LTBP2: variants seen among roughly 807,000 people sequenced by gnomAD.
LTBP2 encodes latent-transforming growth factor beta-binding protein 2.
Under a neutral mutation model 210.6 loss-of-function variants are expected in LTBP2, and 103 were observed. That is an observed-to-expected ratio of 0.49 (90% CI 0.42 to 0.58). The LOEUF is 0.58. Among genes scored for constraint, LTBP2 ranks in the 20% least tolerant of loss-of-function variants. The pLI is 0.00. For missense variants in LTBP2, 2,313 were observed against 2,494.5 expected (o/e 0.93, Z 1.55); for synonymous variants, 1,007 against 1,015.0 (o/e 0.99, Z 0.15).
At position 74,611,610 on chromosome 14, in the gene LTBP2, G is replaced by A. The variant is rs767990421; in HGVS notation, c.335C>T (p.Ser112Leu). ...EARRPSRAQQSRRVQPPAQTR... is the reference protein window; with the variant it reads ...EARRPSRAQQLRRVQPPAQTR... Reference sequence around the variant, plus strand: ...CTGCGCAGGTGGCTGGACACGCCGCGACTGCTGCGCGCGGGACGGCCTCCT... The same window carrying A: ...CTGCGCAGGTGGCTGGACACGCCGCAACTGCTGCGCGCGGGACGGCCTCCT... Residue 112 changes from serine to leucine, a missense_variant, in exon 1 of 36, where the codon TCG (serine) becomes TTG (leucine). Physicochemically the swap from Ser to Leu is moderately radical, Grantham distance 145. Transcript: ENST00000261978. The A allele has an allele frequency of 5.1e-6, 8 of 1,565,382 alleles. No individual in the cohort carries two copies. In the East Asian group the frequency reaches 1.4e-4, roughly 27 times the overall value.
intron 21 of LTBP2, 110 bp from the exon 22 acceptor site, chr14:74,509,473 C>T: frequency 2.0e-6 from 3 of 1,509,348 alleles, no homozygotes; most frequent in Non-Finnish European, 2.7e-6. Flanking sequence ...TTTCCTAAAA[C>T]CCCCTCCCTA....
intron 3 of LTBP2, among the ~76,000 whole-genome samples, chr14:74,582,900 C>G (rs1433602902): frequency 2.0e-5 from 3 of 152,252 alleles, no homozygotes; most frequent in African/African-American, 7.2e-5. Context: ...GTTGCAGGTT[C>G]CTGTAACCAG....
At chr14:74,542,553 A>C (rs1388769608) in intron 8 of LTBP2, among the ~76,000 whole-genome samples, 4 of 152,202 alleles carry the variant, frequency 2.6e-5, no homozygotes, top group Non-Finnish European at 5.9e-5. Flanking sequence ...AGACACATAC[A>C]TGCCTGGCGA....
rs749807504 is a variant in LTBP2 at position 74,502,727 on chromosome 14, G to T, written c.5096C>A (p.Ala1699Glu). The T allele has an allele frequency of 1.2e-6, 2 of 1,614,098 alleles. No homozygotes were observed. The highest frequency in any genetic ancestry group is 1.7e-6 in the Non-Finnish European group (2 of 1,180,050). The change falls in exon 34 of 36, where the codon GCG (alanine) becomes GAG (glutamate). Residue 1699 changes from alanine to glutamate, a missense_variant. This residue lies in a region of LTBP2 where 443 missense variants were observed against 501.4 expected (regional missense o/e 0.88). Transcript: ENST00000261978. ...PAFPNTAGHS[A>E]DRTPILESPL... ...AGACTCAAGGATGGGTGTGCGGTCC[G>T]CTGAGTGACCGGCTGTGTTGGGGAA...
chr14:74,527,375 GA>G lies in LTBP2; in HGVS notation c.2369-10del. 6.2e-7 allele frequency: 1 copy of G among 1,610,646 alleles called. No homozygotes were observed. The highest frequency in any genetic ancestry group is 8.5e-7 in the Non-Finnish European group (1 of 1,178,732). On this transcript the variant is annotated splice_polypyrimidine_tract_variant and intron_variant, in intron 12 of 35. Transcript: ENST00000261978. ...GCCAGCCTGAGAGTCACCTGGAAGG[GA>G]AAGGTAACAGCGTGAGCTCAGGGAG...
rs556702350 is a variant in LTBP2, at chr14:74,593,101, C to T, written c.566-6983G>A. ...AGCAAGAAATAAAAGGCATTGTTCC[C>T]CTAATCTCCCCATGTTCCTAGCTGA... On this transcript the variant is annotated intron_variant, in intron 2 of 35. Coordinates refer to ENST00000261978, the MANE Select transcript of LTBP2 (RefSeq NM_000428.3). Among the ~76,000 whole-genome samples the T allele has an allele frequency of 4.3e-4, 65 of 152,304 alleles. 1 individual carries two copies. In the South Asian group the frequency reaches 0.013, roughly 31 times the overall value.
At position 74,500,906 on chromosome 14, in the gene LTBP2, G is replaced by A. The variant is rs757574062; in HGVS notation, c.5444C>T (p.Pro1815Leu). The change falls in exon 36 of 36, where the codon CCC becomes CTC. Residue 1815 changes from proline (P) to leucine (L), a missense_variant. By Grantham distance (98) the Pro-to-Leu change is moderately conservative. Around this residue, in one of 3 missense-constraint regions of LTBP2, gnomAD observed 443 missense variants for 501.4 expected, o/e 0.88. Coordinates refer to ENST00000261978, the MANE Select transcript of LTBP2 (RefSeq NM_000428.3). Reference sequence around the variant, plus strand: ...CTGCTACTCCTTGGCAGTGCAGTGGGGGGGCCCTGCCTCAGCCACATATCC... The same window carrying A: ...CTGCTACTCCTTGGCAGTGCAGTGGAGGGGCCCTGCCTCAGCCACATATCC... Reference protein sequence around the residue: ...SPGYVAEAGPPHCTAKE With the variant: ...SPGYVAEAGPLHCTAKE 3 of 1,614,174 alleles carry A rather than the reference G, an allele frequency of 1.9e-6. No individual in the cohort carries two copies. The highest frequency in any genetic ancestry group is 2.5e-6 in the Non-Finnish European group (3 of 1,180,032).
intron 3 of LTBP2, among the ~76,000 whole-genome samples, chr14:74,572,623 A>T (rs557851683): frequency 6.6e-6 from 1 of 152,166 alleles, no homozygotes; most frequent in Non-Finnish European, 1.5e-5. Context: ...CCTGGACAAG[A>T]GGTGAAACCT....
intron 34 of LTBP2, 200 bp from the exon 35 acceptor site, chr14:74,501,790 G>A: frequency 4.7e-6 from 3 of 640,748 alleles, no homozygotes; most frequent in Non-Finnish European, 8.0e-6. Flanking sequence ...TGTCATTTTA[G>A]ATGGGGAGAG....
intron 2 of LTBP2, among the ~76,000 whole-genome samples, chr14:74,592,014 C>T (rs2088289588): frequency 6.6e-6 from 1 of 152,144 alleles, no homozygotes; most frequent in South Asian, 2.1e-4. Flanking sequence ...CTGGCCACTG[C>T]ATGTTGGTAC....
At chr14:74,553,923 CGTGTGTGTGTGTGT>C (rs34143485) in intron 4 of LTBP2, among the ~76,000 whole-genome samples, 46 of 130,574 alleles carry the variant, frequency 3.5e-4, no homozygotes, top group African/African-American at 8.0e-4. Flanking sequence ...AGCGGAGAAA[CGTGTGTGTGTGTGT>C]GTGTGTGTGT....
intron 3 of LTBP2, among the ~76,000 whole-genome samples, chr14:74,569,673 C>A (rs944673878): frequency 6.6e-6 from 1 of 152,174 alleles, no homozygotes; most frequent in Non-Finnish European, 1.5e-5. Flanking sequence ...GCGTCAGAGT[C>A]CTTCCCACAC....
At position 74,506,760 on chromosome 14, in the gene LTBP2, C is replaced by A; in HGVS notation, c.3971G>T (p.Gly1324Val). 6.2e-7 allele frequency: 1 copy of A among 1,614,028 alleles called. No individual in the cohort carries two copies. The highest frequency in any genetic ancestry group is 2.2e-5 in the East Asian group (1 of 44,878). The change falls in exon 27 of 36, where the codon GGC becomes GTC. Residue 1324 changes from glycine (G) to valine (V), a missense_variant. Physicochemically the swap from Gly to Val is moderately radical, Grantham distance 109 (BLOSUM62 -3). Coordinates refer to ENST00000261978, the MANE Select transcript of LTBP2 (RefSeq NM_000428.3). Reference protein sequence around the residue: ...GSHGFCDNTDGSFRCLCDQGF... With the variant: ...GSHGFCDNTDVSFRCLCDQGF... ...CTGGTCACAGAGGCAGCGGAAGGAG[C>A]CATCAGTGTTGTCACAGAAGCCGTG...
intron 1 of LTBP2, among the ~76,000 whole-genome samples, chr14:74,608,150 G>A (rs2088554161): frequency 1.3e-5 from 2 of 151,392 alleles, no homozygotes; most frequent in Admixed American, 6.6e-5. Context: ...TCGATCTCCT[G>A]ACCTCATGAT....
At chr14:74,531,196 G>A (rs1490357925) in intron 10 of LTBP2, among the ~76,000 whole-genome samples, 1 of 152,182 alleles carries the variant, frequency 6.6e-6, no homozygotes, top group Non-Finnish European at 1.5e-5. Context: ...AGAAACAAAG[G>A]GAAGAGAAAC....
intron 3 of LTBP2, among the ~76,000 whole-genome samples, chr14:74,572,148 TC>T (rs764268616): frequency 6.6e-6 from 1 of 152,192 alleles, no homozygotes; most frequent in African/African-American, 2.4e-5. Context: ...AATACACCCC[TC>T]TGGGTCCCAA....
chr14:74,528,758 C>T, intron 11 of LTBP2, 60 bp from the exon 12 acceptor site: 2 of 1,581,430 alleles, frequency 1.3e-6, no homozygotes, highest in Non-Finnish European at 1.7e-6. Flanking sequence ...GAAACCAGGG[C>T]CTTCCTTTCC....
At chr14:74,581,119 G>A (rs2088131171) in intron 3 of LTBP2, among the ~76,000 whole-genome samples, 1 of 152,312 alleles carries the variant, frequency 6.6e-6, no homozygotes, top group African/African-American at 2.4e-5. Flanking sequence ...CACTGGGGAT[G>A]TCAGACAGGC....
chr14:74,528,638 C>A lies in LTBP2; in HGVS notation c.2213G>T (p.Arg738Leu), dbSNP rs758392845. Residue 738 changes from arginine to leucine, a missense_variant, in exon 12 of 36, where the codon CGC becomes CTC. By Grantham distance (102) the Arg-to-Leu change is moderately radical (BLOSUM62 -2). Around this residue, in one of 3 missense-constraint regions of LTBP2, gnomAD observed 1,867 missense variants for 1,976.9 expected, o/e 0.94. Transcript: ENST00000261978. Reference sequence around the variant, plus strand: ...CTCCTCGGCTTTCCTCATGGACAGGCGGATGTCGGAGCTCGCGTAGGTGTA... The same window carrying A: ...CTCCTCGGCTTTCCTCATGGACAGGAGGATGTCGGAGCTCGCGTAGGTGTA... Reference protein sequence around the residue: ...HGYTYASSDIRLSMRKAEEEE... With the variant: ...HGYTYASSDILLSMRKAEEEE... 6.2e-7 allele frequency: 1 copy of A among 1,613,468 alleles called. No homozygotes were observed.
Sources: gnomAD v4.1 joint callset for allele counts (sites outside exome capture counted in the v4.1 genomes callset) on GRCh38, gnomAD v4.1.1 for gene constraint, gnomAD v4.1.1 regional missense constraint, MANE v1.5 for transcripts, NCBI Gene and HGNC (gene_info 2026-07-23, HGNC 2026-07-21) for gene names.